PLEC: variants seen among roughly 807,000 people sequenced by gnomAD.
The protein encoded by PLEC is plectin, also known as hemidesmosomal protein 1.
Under a neutral mutation model 392.8 loss-of-function variants are expected in PLEC, and 216 were observed. The observed-to-expected ratio is 0.55, with a 90% confidence interval of 0.49 to 0.62. The LOEUF (loss-of-function observed/expected upper bound fraction) is 0.62. PLEC is among the 20% of genes least tolerant of loss of function. The pLI, the probability that PLEC is intolerant of heterozygous loss-of-function variation, is 0.00. For synonymous variants in PLEC, 3,621 were observed against 2,980.6 expected (o/e 1.21, Z -7.00); for missense variants, 6,863 against 6,563.4 (o/e 1.05, Z -1.58).
chr8:143,937,225 C>T lies in PLEC; in HGVS notation c.282G>A (p.Arg94=), dbSNP rs1829285940. Residue 94 remains arginine (R), a synonymous_variant, in exon 4 of 32, where the codon AGG becomes AGA. Coordinates refer to ENST00000345136, the MANE Select transcript of PLEC (RefSeq NM_201384.3). ...CATTCTGCAGCTTGTGGAAACGCAT[C>T]CTCCCCTTCTCCCGGGGCTGTGGGG... ...SGDSLPREKG[R]MRFHKLQNVQ... The T allele has an allele frequency of 1.9e-6, 3 of 1,612,526 alleles. No homozygotes were observed. Among genetic ancestry groups the T allele is most frequent in the Non-Finnish European group, 1.7e-6 (2 of 1,179,700 alleles).
rs782080936 is a variant in PLEC, at chr8:143,917,085, G to A, written c.12736C>T (p.Arg4246Cys). The A allele has an allele frequency of 1.5e-5, 24 of 1,606,958 alleles. No homozygotes were observed. The highest frequency in any genetic ancestry group is 8.3e-5 in the Admixed American group (5 of 59,906). Residue 4246 changes from arginine (R) to cysteine (C), a missense_variant, in exon 32 of 32, where the codon CGT becomes TGT. Coordinates refer to ENST00000345136, the MANE Select transcript of PLEC (RefSeq NM_201384.3). The stretch of plus-strand genomic sequence containing the variant: ...GAGGAGGATCCCACCGAGGAGGAAC[G>A]GGAGCGGAAACCACCGGCGTTGCCC... ...LSGNAGGFRS[R>C]SSSVGSSSSY...
At chr8:143,963,644 C>T (rs542346528) in intron 1 of PLEC, among the ~76,000 whole-genome samples, 9 of 152,046 alleles carry the variant, frequency 5.9e-5, no homozygotes, top group Admixed American at 1.3e-4. Context: ...GACACAACTT[C>T]GATGATCAGA....
intron 1 of PLEC, among the ~76,000 whole-genome samples, chr8:143,972,966 G>C (rs2132985311): frequency 6.6e-6 from 1 of 152,340 alleles, no homozygotes; most frequent in East Asian, 1.9e-4. Flanking sequence ...GCCCTCGCCA[G>C]TTTAGGGAGG....
upstream of PLEC, chr8:143,942,501 C>A (rs782372905): frequency 3.9e-5 from 61 of 1,581,212 alleles, no homozygotes; most frequent in South Asian, 1.7e-4. Flanking sequence ...CAAAGGCGCC[C>A]CCCGCCCCCG....
At chr8:143,950,720 G>A (rs781783743) in exon 1 of PLEC, 28 of 1,553,050 alleles carry the variant, frequency 1.8e-5, no homozygotes, top group Admixed American at 1.7e-4. Flanking sequence ...TGCTGGAGCC[G>A]GGCAGTCAGT....
At chr8:143,937,715 C>T (rs782242837) in intron 3 of PLEC, 18 of 489,186 alleles carry the variant, frequency 3.7e-5, no homozygotes, top group South Asian at 1.1e-4. Flanking sequence ...GGGGAGCTCC[C>T]GTGCCGCTGC....
Position 143,973,332 on chromosome 8 carries a change from G to A in PLEC, c.70+71C>T. 6.6e-7 allele frequency: 1 copy of A among 1,522,334 alleles called. No homozygotes were observed. Among genetic ancestry groups the A allele is most frequent in the Non-Finnish European group, 8.9e-7 (1 of 1,129,564 alleles). The allele number at this position is 1,522,334 out of a possible 1,614,324, so 94.3% of individuals were successfully genotyped here. A position where few individuals can be genotyped will look rare whatever the true frequency, so the allele number is the denominator to read the frequency against. On this transcript the variant is annotated intron_variant, in intron 1 of 31. Coordinates refer to the PLEC transcript ENST00000356346. This position sits in a 1 kb window ranked among gnomAD's most constrained non-coding sequence, Gnocchi z 5.6. ...CGGGCCGGCGATCGGGACCGCCACC[G>A]TGGACGACAAGGTGCTCGGCGGCTG...
chr8:143,947,385 C>A (rs1344911402), intron 1 of PLEC, among the ~76,000 whole-genome samples: 1 of 152,204 alleles, frequency 6.6e-6, no homozygotes, highest in African/African-American at 2.4e-5. Context: ...GCATGGACAG[C>A]GCTCAGCTGG....
At chr8:143,973,626 G>C, upstream of PLEC, 1 of 742,776 alleles carries the variant, frequency 1.3e-6, no homozygotes, top group Non-Finnish European at 1.6e-6. The surrounding 1 kb of genome is among the most constrained non-coding windows in gnomAD (Gnocchi z 5.6). Flanking sequence ...GGCGGGGCCG[G>C]GGCCGCCGCG....
Position 143,973,068 on chromosome 8 carries a change from G to A in PLEC, c.70+335C>T, listed in dbSNP as rs770825090. Among the ~76,000 whole-genome samples, 1 of 152,178 alleles carries A rather than the reference G, an allele frequency of 6.6e-6. No individual in the cohort carries two copies. Among genetic ancestry groups the A allele is most frequent in the Non-Finnish European group, 1.5e-5 (1 of 68,026 alleles). On this transcript the variant is annotated intron_variant, in intron 1 of 31. Transcript: ENST00000356346. The surrounding 1 kb of genome is among the most constrained non-coding windows in gnomAD (Gnocchi z 5.6). ...CGCCCCAGAGGTGGGGCAGGGGATGGCTCAGCCTTGACCCATGTGTCTGCT... is the reference window on the plus strand; with the variant it reads ...CGCCCCAGAGGTGGGGCAGGGGATGACTCAGCCTTGACCCATGTGTCTGCT...
At chr8:143,950,005 G>A (rs1554734641) in intron 1 of PLEC, among the ~76,000 whole-genome samples, 1 of 152,190 alleles carries the variant, frequency 6.6e-6, no homozygotes, top group African/African-American at 2.4e-5. Flanking sequence ...GGGGCCACAT[G>A]GGCCCATCAG....
Position 143,921,829 on chromosome 8 carries a change from C to A in PLEC, c.7992G>T (p.Leu2664=). The A allele has an allele frequency of 1.2e-6, 2 of 1,607,126 alleles. No individual in the cohort carries two copies. The highest frequency in any genetic ancestry group is 8.5e-7 in the Non-Finnish European group (1 of 1,179,754). The stretch of plus-strand genomic sequence containing the variant: ...CCAACCGCTGCAGCTCCTCCGCACT[C>A]AGGATGCCGGCCTCCTGCAGCCTCT... ...SAQRLQEAGI[L]SAEELQRLAQ... is the part of the protein sequence containing the mutation. The change falls in exon 32 of 32, where the codon CTG becomes CTT. Residue 2664 remains leucine (L), a synonymous_variant. Coordinates refer to ENST00000345136, the MANE Select transcript of PLEC (RefSeq NM_201384.3).
chr8:143,931,409 A>G (rs1827204239), intron 19 of PLEC, 125 bp downstream of exon 19: 1 of 865,388 alleles, frequency 1.2e-6, no homozygotes, highest in South Asian at 1.5e-5. Flanking sequence ...TGACCTCTAC[A>G]CCTCCCATGG....
chr8:143,973,092 C>G lies in PLEC; in HGVS notation c.70+311G>C, dbSNP rs975641485. 1.1e-4 allele frequency among the ~76,000 whole-genome samples: 17 copies of G among 152,318 alleles called. No individual in the cohort carries two copies. In the East Asian group the frequency reaches 3.3e-3, roughly 29 times the overall value. On this transcript the variant is annotated intron_variant, in intron 1 of 31. Transcript: ENST00000356346. The surrounding 1 kb of genome is among the most constrained non-coding windows in gnomAD (Gnocchi z 5.6). ...GGCTCAGCCTTGACCCATGTGTCTGCTGGCCACAGACACCGGATCCTGGCT... is the reference window on the plus strand; with the variant it reads ...GGCTCAGCCTTGACCCATGTGTCTGGTGGCCACAGACACCGGATCCTGGCT...
upstream of PLEC, among the ~76,000 whole-genome samples, chr8:143,952,988 G>GCCCC (rs1318313380): frequency 2.4e-5 from 2 of 84,482 alleles, no homozygotes; most frequent in African/African-American, 8.6e-5. Context: ...TGCGGCATGC[G>GCCCC]CCACCCCCCC....
Position 143,935,098 on chromosome 8 carries a change from G to A in PLEC, c.738C>T (p.Pro246=), listed in dbSNP as rs782441052. 7.4e-6 allele frequency: 12 copies of A among 1,612,850 alleles called. No homozygotes were observed. The highest frequency in any genetic ancestry group is 1.6e-4 in the Middle Eastern group (1 of 6,084). Residue 246 remains proline, a synonymous_variant, in exon 8 of 32, where the codon CCC becomes CCT. Coordinates refer to ENST00000345136, the MANE Select transcript of PLEC (RefSeq NM_201384.3). ...CGTAGGTGATGATGGACTTCTCGTC[G>A]GGCTGAGGGACATCCACGTCTGCAG... The part of the protein sequence containing the change: ...LDPEDVDVPQ[P]DEKSIITYVS...
chr8:143,964,997 AC>A (rs1230526765), intron 1 of PLEC, among the ~76,000 whole-genome samples: 1 of 14,778 alleles, frequency 6.8e-5, no homozygotes, highest in African/African-American at 2.7e-4. Flanking sequence ...ACCAACCCCC[AC>A]CCCCCCGCCC....
rs781913182 is a variant in PLEC at position 143,929,455 on chromosome 8, C to G, written c.3040G>C (p.Glu1014Gln). The change falls in exon 24 of 32, where the codon GAG (glutamate) becomes CAG (glutamine). Residue 1014 changes from glutamate to glutamine, a missense_variant. Glu to Gln is a conservative substitution (Grantham distance 29). Transcript: ENST00000345136. The part of the protein sequence containing the change: ...VHRLRLPLDK[E>Q]PARECAQRIA... ...CGCTGGGCACACTCCCGTGCCGGCT[C>G]TTTGTCCAGCGGCAGCCGCAGGCGG... 3 of 1,593,300 alleles carry G rather than the reference C, an allele frequency of 1.9e-6. No homozygotes were observed. Among genetic ancestry groups the G allele is most frequent in the South Asian group, 1.1e-5 (1 of 88,904 alleles).
Position 143,919,030 on chromosome 8 carries a change from G to A in PLEC, c.10791C>T (p.Pro3597=), listed in dbSNP as rs537994918. The part of the protein sequence containing the change: ...LWEVMQSDLI[P]EEQRAQLMAD... ...CCATCAGCTGGGCCCGCTGCTCCTCGGGGATCAGGTCCGACTGCATCACCT... is the reference window on the plus strand; with the variant it reads ...CCATCAGCTGGGCCCGCTGCTCCTCAGGGATCAGGTCCGACTGCATCACCT... Residue 3597 remains proline (P), a synonymous_variant, in exon 32 of 32, where the codon CCC becomes CCT. Coordinates refer to ENST00000345136, the MANE Select transcript of PLEC (RefSeq NM_201384.3). 290 of 1,611,210 alleles carry A rather than the reference G, an allele frequency of 1.8e-4. No homozygotes were observed. Among genetic ancestry groups the A allele is most frequent in the Non-Finnish European group, 2.2e-4 (256 of 1,180,006 alleles).
Sources: gnomAD v4.1 joint callset for allele counts (sites outside exome capture counted in the v4.1 genomes callset) on GRCh38, gnomAD v4.1.1 for gene constraint, Gnocchi (gnomAD v3.1) non-coding constraint, MANE v1.5 for transcripts, NCBI Gene and HGNC (gene_info 2026-07-23, HGNC 2026-07-21) for gene names.